Variants in GALNT13 observed in about 807,000 individuals in gnomAD.
The protein encoded by GALNT13 is polypeptide N-acetylgalactosaminyltransferase 13, also known as UDP-GalNAc:polypeptide N-acetylgalactosaminyltransferase 13.
A neutral mutation model predicts 64.2 loss-of-function variants in GALNT13; 28 were observed. The observed-to-expected ratio is 0.44, with a 90% CI of 0.32 to 0.60. The LOEUF (loss-of-function observed/expected upper bound fraction) is 0.60, where lower values mean the gene tolerates loss of function less well. Among genes scored for constraint, GALNT13 ranks in the 20% least tolerant of loss-of-function variants. The probability of loss-of-function intolerance (pLI) is 0.05; values close to 1 mark genes in which losing one functional copy is unlikely to be tolerated. For missense variants in GALNT13, 577 were observed against 669.8 expected (o/e 0.86, Z 1.53); for synonymous variants, 214 against 224.6 (o/e 0.95, Z 0.42).
chr2:153,565,154 C>T, the GALNT13 span, among the ~76,000 whole-genome samples: 6 of 151,998 alleles, frequency 3.9e-5, no homozygotes, highest in Non-Finnish European at 7.4e-5. Flanking sequence ...TGTAGGTGTG[C>T]GTTGTTTTAA....
chr2:153,882,844 G>A (rs1686874544), intron 1 of GALNT13, among the ~76,000 whole-genome samples: 1 of 150,728 alleles, frequency 6.6e-6, no homozygotes, highest in South Asian at 2.1e-4. Context: ...TACCCAGGCT[G>A]GTATTCCTTC....
intron 4 of GALNT13, among the ~76,000 whole-genome samples, chr2:154,196,214 A>G (rs1295113126): frequency 6.6e-6 from 1 of 151,732 alleles, no homozygotes; most frequent in Non-Finnish European, 1.5e-5. Context: ...CTTAGAAATG[A>G]TCTGATACTC....
the GALNT13 span, among the ~76,000 whole-genome samples, chr2:153,627,959 G>A: frequency 2.7e-4 from 41 of 152,088 alleles, no homozygotes; most frequent in Admixed American, 1.8e-3. Context: ...CCATTTTCAC[G>A]ATATTGATTC....
intron 3 of GALNT13, among the ~76,000 whole-genome samples, chr2:153,966,469 C>T (rs1429025644): frequency 1.3e-5 from 2 of 151,448 alleles, no homozygotes; most frequent in African/African-American, 4.8e-5. Flanking sequence ...GGGTTCACGC[C>T]ATTCTCCTGC....
chr2:153,584,210 G>A, the GALNT13 span, among the ~76,000 whole-genome samples: 1 of 152,148 alleles, frequency 6.6e-6, no homozygotes, highest in Non-Finnish European at 1.5e-5. Context: ...CCAGGGGCCT[G>A]AGAACTGCCC....
At chr2:153,842,443 C>A in the GALNT13 span, among the ~76,000 whole-genome samples, 1 of 151,894 alleles carries the variant, frequency 6.6e-6, no homozygotes, top group African/African-American at 2.4e-5. Context: ...ATTTAGGAAC[C>A]GAGAAGTGTC....
the GALNT13 span, among the ~76,000 whole-genome samples, chr2:153,606,402 GT>G: frequency 1.3e-5 from 2 of 152,088 alleles, no homozygotes; most frequent in African/African-American, 4.8e-5. Context: ...TGTCCAATCT[GT>G]GGACCACAGG....
At chr2:153,621,740 A>T in the GALNT13 span, among the ~76,000 whole-genome samples, 4 of 152,070 alleles carry the variant, frequency 2.6e-5, no homozygotes, top group Non-Finnish European at 5.9e-5. Flanking sequence ...ACCTTAAGCC[A>T]CAGAGAGTAC....
chr2:153,849,382 G>A, the GALNT13 span, among the ~76,000 whole-genome samples: 1 of 152,082 alleles, frequency 6.6e-6, no homozygotes, highest in Non-Finnish European at 1.5e-5. Context: ...TCTAATACTC[G>A]ATAATGAACA....
chr2:153,717,810 A>T, the GALNT13 span, among the ~76,000 whole-genome samples: 1 of 152,332 alleles, frequency 6.6e-6, no homozygotes, highest in Admixed American at 6.5e-5. Flanking sequence ...AAAATTTAAA[A>T]GGCTGTAAAG....
intron 4 of GALNT13, 149 bp downstream of exon 4, chr2:154,140,654 T>C (rs1385698052): frequency 2.1e-6 from 1 of 485,490 alleles, no homozygotes; most frequent in East Asian, 3.3e-5. Flanking sequence ...TGCATGCATA[T>C]GCTGAAAAAG....
At chr2:153,851,434 C>G in the GALNT13 span, among the ~76,000 whole-genome samples, 12 of 151,892 alleles carry the variant, frequency 7.9e-5, no homozygotes, top group African/African-American at 2.4e-4. Context: ...TAGAATTTTG[C>G]ATTTTCCTGT....
chr2:153,153,569 A>T, the GALNT13 span, among the ~76,000 whole-genome samples: 1 of 151,458 alleles, frequency 6.6e-6, no homozygotes, highest in Admixed American at 6.6e-5. Flanking sequence ...ATTTTCATAT[A>T]TGGTATAAGG....
At chr2:153,257,605 T>A in the GALNT13 span, among the ~76,000 whole-genome samples, 1 of 152,180 alleles carries the variant, frequency 6.6e-6, no homozygotes, top group Admixed American at 6.5e-5. Flanking sequence ...AGTTTGCTGA[T>A]CCTTTTTTGT....
At chr2:153,520,580 G>A in the GALNT13 span, among the ~76,000 whole-genome samples, 2 of 152,086 alleles carry the variant, frequency 1.3e-5, no homozygotes, top group African/African-American at 2.4e-5. Context: ...ACTCATCAGA[G>A]GTTCCCATGG....
chr2:153,853,530 A>G, the GALNT13 span, among the ~76,000 whole-genome samples: 1 of 152,172 alleles, frequency 6.6e-6, no homozygotes, highest in Non-Finnish European at 1.5e-5. Context: ...AGCTAGAAAT[A>G]GAGATGATGG....
chr2:154,282,662 T>C (rs1465928988), intron 8 of GALNT13, among the ~76,000 whole-genome samples: 2 of 152,172 alleles, frequency 1.3e-5, no homozygotes, highest in African/African-American at 2.4e-5. Flanking sequence ...CTTTCCAATT[T>C]TAAATGTGAT....
intron 3 of GALNT13, among the ~76,000 whole-genome samples, chr2:154,011,706 T>C (rs1250750454): frequency 6.6e-6 from 1 of 152,158 alleles, no homozygotes; most frequent in Non-Finnish European, 1.5e-5. Flanking sequence ...TATCTAAGTC[T>C]TTTGTAGGTC....
rs553446879 is a variant in GALNT13, at chr2:154,291,756, C to T, written c.976-9653C>T. Reference sequence around the variant, plus strand: ...CCAGAGAGGGGCCCCCACAGCACAGCGGCCTGCTGAAGGGCGCCTTGAGCT... The same window carrying T: ...CCAGAGAGGGGCCCCCACAGCACAGTGGCCTGCTGAAGGGCGCCTTGAGCT... On this transcript the variant is annotated intron_variant, in intron 8 of 12. Coordinates refer to ENST00000392825, the MANE Select transcript of GALNT13 (RefSeq NM_052917.4). Among the ~76,000 whole-genome samples the T allele has an allele frequency of 2.6e-5, 4 of 152,386 alleles. No individual in the cohort carries two copies. The South Asian group carries it at 8.3e-4, about 32-fold the overall frequency.
Sources: gnomAD v4.1 joint callset for allele counts (sites outside exome capture counted in the v4.1 genomes callset) on GRCh38, gnomAD v4.1.1 for gene constraint, MANE v1.5 for transcripts, NCBI Gene and HGNC (gene_info 2026-07-23, HGNC 2026-07-21) for gene names.